The following DDX21 variants were observed in gnomAD, a reference collection of about 807,000 sequenced individuals.
DDX21 encodes DExD-box helicase 21.
DDX21 carries 18 observed loss-of-function variants against 90.0 expected under a neutral mutation model. The ratio of observed to expected loss-of-function variants is 0.20; its 90% CI spans 0.14 to 0.30. DDX21 has a LOEUF of 0.30. Among genes scored for constraint, DDX21 ranks in the 10% least tolerant of loss-of-function variants. DDX21 has a pLI of 1.00. For missense variants in DDX21, 673 were observed against 944.5 expected (o/e 0.71, Z 3.77); for synonymous variants, 294 against 318.0 (o/e 0.92, Z 0.80).
chr10:68,971,626 C>A (rs1843029255), intron 8 of DDX21, among the ~76,000 whole-genome samples: 1 of 152,122 alleles, frequency 6.6e-6, no homozygotes, highest in South Asian at 2.1e-4. Flanking sequence ...TGGCTCAGAC[C>A]TAAGGTTACA....
At chr10:68,963,185 C>T in intron 3 of DDX21, 106 bp from the exon 4 acceptor site, 1 of 1,183,182 alleles carries the variant, frequency 8.5e-7, no homozygotes, top group Non-Finnish European at 1.2e-6. Flanking sequence ...AGGTAGAATT[C>T]CTTAATTCTG....
chr10:68,959,618 C>T (rs1842846532), intron 1 of DDX21, among the ~76,000 whole-genome samples, 188 bp from the exon 2 acceptor site: 2 of 152,150 alleles, frequency 1.3e-5, no homozygotes, highest in South Asian at 2.1e-4. Context: ...AGCTAAGAAG[C>T]GATTTTAGAA....
intron 13 of DDX21, 37 bp from the exon 14 acceptor site, chr10:68,981,500 G>A (rs373689109): frequency 1.1e-5 from 18 of 1,592,098 alleles, no homozygotes; most frequent in African/African-American, 6.7e-5. Context: ...TTTCATGTGC[G>A]TTGGTTGGAT....
chr10:68,962,006 G>T (rs1842877373), intron 2 of DDX21, 76 bp from the exon 3 acceptor site: 1 of 1,186,682 alleles, frequency 8.4e-7, no homozygotes, highest in Non-Finnish European at 1.2e-6. Flanking sequence ...AGCTTGTTTT[G>T]TCTCTTTCTC....
At chr10:68,977,398 A>T in intron 11 of DDX21, 131 bp from the exon 12 acceptor site, 1 of 809,840 alleles carries the variant, frequency 1.2e-6, no homozygotes, top group Admixed American at 2.4e-5. Flanking sequence ...TGATTATTAT[A>T]TACTGCATCA....
Position 68,970,297 on chromosome 10 carries a change from T to C in DDX21, c.1333T>C (p.Cys445Arg). 1 of 1,614,136 alleles carries C rather than the reference T, an allele frequency of 6.2e-7. No homozygotes were observed. Among genetic ancestry groups the C allele is most frequent in the Non-Finnish European group, 8.5e-7 (1 of 1,180,004 alleles). ...SGHQGRTIIF[C>R]ETKKEAQELS... The stretch of plus-strand genomic sequence containing the variant: ...TCATCAAGGACGCACTATCATCTTT[T>C]GTGAAACCAAGAAAGAAGCCCAGGA... The change falls in exon 8 of 15, where the codon TGT becomes CGT. Residue 445 changes from cysteine to arginine, a missense_variant. Coordinates refer to ENST00000354185, the MANE Select transcript of DDX21 (RefSeq NM_004728.4).
At chr10:68,956,809 G>C in intron 1 of DDX21, 2 of 951,106 alleles carry the variant, frequency 2.1e-6, no homozygotes, top group Non-Finnish European at 2.5e-6. Flanking sequence ...TTGGGAGGCC[G>C]AGGCGGGCGG....
intron 1 of DDX21, among the ~76,000 whole-genome samples, chr10:68,959,397 G>C (rs1166479700): frequency 6.6e-6 from 1 of 152,158 alleles, no homozygotes; most frequent in Non-Finnish European, 1.5e-5. Context: ...GGGAGGCTGA[G>C]GCATGAGAAT....
chr10:68,963,304 C>G lies in DDX21; in HGVS notation c.621C>G (p.Thr207=), dbSNP rs1348456737. ...ATTTGTTCATAGGCCGAGGAGTGACCTTCCTATTTCCTATACAAGCAAAGA... is the reference window on the plus strand; with the variant it reads ...ATTTGTTCATAGGCCGAGGAGTGACGTTCCTATTTCCTATACAAGCAAAGA... The part of the protein sequence containing the change: ...TIKLLKGRGV[T]FLFPIQAKTF... Residue 207 remains threonine (T), a synonymous_variant, in exon 4 of 15, where the codon ACC becomes ACG. Coordinates refer to ENST00000354185, the MANE Select transcript of DDX21 (RefSeq NM_004728.4). 1.2e-6 allele frequency: 2 copies of G among 1,610,846 alleles called. No individual in the cohort carries two copies. Among genetic ancestry groups the G allele is most frequent in the Admixed American group, 3.4e-5 (2 of 59,094 alleles).
At chr10:68,974,270 A>T (rs534036344) in intron 10 of DDX21, among the ~76,000 whole-genome samples, 18 of 152,202 alleles carry the variant, frequency 1.2e-4, no homozygotes, top group African/African-American at 1.7e-4. Flanking sequence ...TCCTCCCCCA[A>T]ATATGTAACC....
chr10:68,970,451 C>CAGTTT (rs1843009467), intron 8 of DDX21, 101 bp downstream of exon 8: 4 of 1,167,174 alleles, frequency 3.4e-6, no homozygotes, highest in East Asian at 2.7e-5. Flanking sequence ...CAGTGAATAC[C>CAGTTT]AGTTTAGTTT....
At chr10:68,965,234 CA>C in intron 4 of DDX21, 142 bp from the exon 5 acceptor site, 1 of 579,022 alleles carries the variant, frequency 1.7e-6, no homozygotes, top group South Asian at 2.2e-5. Context: ...ATCTATTAGA[CA>C]AAAATATTAG....
rs1358686331 is a variant in DDX21 at position 68,984,431 on chromosome 10, G to A, written c.*1619G>A. 1 of 152,094 alleles carries A rather than the reference G, an allele frequency of 6.6e-6. No homozygotes were observed. Among genetic ancestry groups the A allele is most frequent in the African/African-American group, 2.4e-5 (1 of 41,420 alleles). The allele number at this position is 152,094 out of a possible 1,614,324, so 9.4% of individuals were successfully genotyped here. On this transcript the variant is annotated 3_prime_UTR_variant, in exon 15 of 15. Transcript: ENST00000354185. ...CCGACTAGATATTTCTTGCCCTCTGGTCTCAGAATTCTCTTGGCTTTTATT... is the reference window on the plus strand; with the variant it reads ...CCGACTAGATATTTCTTGCCCTCTGATCTCAGAATTCTCTTGGCTTTTATT...
intron 4 of DDX21, among the ~76,000 whole-genome samples, chr10:68,964,660 A>ATTT (rs1842917582): frequency 4.9e-5 from 2 of 41,204 alleles, no homozygotes; most frequent in Non-Finnish European, 6.0e-5. Context: ...CTGCACCTGG[A>ATTT]CTTTTTTTTT....
intron 4 of DDX21, 152 bp downstream of exon 4, chr10:68,963,621 T>C (rs1016168148): frequency 3.6e-6 from 2 of 559,534 alleles, no homozygotes; most frequent in African/African-American, 1.9e-5. Context: ...AGGACAATTC[T>C]TTTATATTTA....
chr10:68,970,955 A>ATTTTTT lies in DDX21; in HGVS notation c.1386+628_1386+633dup, dbSNP rs56314802. On this transcript the variant is annotated intron_variant, in intron 8 of 14. Transcript: ENST00000354185. ...GGCATGAGCCACTGCGCCCAGCCTA[A>ATTTTTT]TTTTTTTTTTTTTTTTTTTTTTTTT... is the stretch of plus-strand genomic sequence containing the variant. 3.8e-3 allele frequency among the ~76,000 whole-genome samples: 274 copies of ATTTTTT among 72,554 alleles called. 20 individuals are homozygous for ATTTTTT. The highest frequency in any genetic ancestry group is 5.9e-3 in the Admixed American group (28 of 4,778). The allele number at this position is 72,554 out of a possible 152,430, so 47.6% of individuals were successfully genotyped here.
Position 68,983,042 on chromosome 10 carries a change from G to T in DDX21, c.*230G>T. On this transcript the variant is annotated 3_prime_UTR_variant, in exon 15 of 15. Transcript: ENST00000354185. ...CAGTTTTTCCTTTTGAAAGGTGTAT[G>T]AATTCATTACATTTTTATTCTAATG... is the stretch of plus-strand genomic sequence containing the variant. 1 of 590,858 alleles carries T rather than the reference G, an allele frequency of 1.7e-6. No individual in the cohort carries two copies. The highest frequency in any genetic ancestry group is 2.9e-6 in the Non-Finnish European group (1 of 343,014). The allele number at this position is 590,858 out of a possible 1,614,324, so 36.6% of individuals were successfully genotyped here.
intron 11 of DDX21, among the ~76,000 whole-genome samples, chr10:68,977,248 ATTGT>A (rs759634969): frequency 8.5e-5 from 13 of 152,292 alleles, no homozygotes; most frequent in Non-Finnish European, 1.6e-4. Context: ...ACATTTTAAA[ATTGT>A]TTGTACTTTT....
chr10:68,969,224 A>T, intron 7 of DDX21, 103 bp downstream of exon 7: 5 of 1,135,256 alleles, frequency 4.4e-6, no homozygotes, highest in Non-Finnish European at 6.2e-6. Flanking sequence ...TAAATACTAA[A>T]TCCATGTGAA....
Sources: gnomAD v4.1 joint callset for allele counts (sites outside exome capture counted in the v4.1 genomes callset) on GRCh38, gnomAD v4.1.1 for gene constraint, MANE v1.5 for transcripts, NCBI Gene and HGNC (gene_info 2026-07-23, HGNC 2026-07-21) for gene names.